Variants in SLC25A30 observed in about 807,000 individuals in gnomAD.
SLC25A30 encodes solute carrier family 25 member 30.
Under a neutral mutation model 42.7 loss-of-function variants are expected in SLC25A30, and 29 were observed. The observed-to-expected ratio is 0.68, with a 90% CI of 0.51 to 0.93. The LOEUF (loss-of-function observed/expected upper bound fraction) is 0.93, where lower values mean the gene tolerates loss of function less well. SLC25A30 is among the 40% of genes least tolerant of loss of function. The probability of loss-of-function intolerance (pLI) is 0.00; values close to 1 mark genes in which losing one functional copy is unlikely to be tolerated. For synonymous variants in SLC25A30, 124 were observed against 131.0 expected (o/e 0.95, Z 0.37); for missense variants, 300 against 359.7 (o/e 0.83, Z 1.34).
chr13:45,425,267 CGT>C, the SLC25A30 span, among the ~76,000 whole-genome samples: 8 of 95,496 alleles, frequency 8.4e-5, no homozygotes, highest in Non-Finnish European at 9.2e-5. Context: ...CGTATATATA[CGT>C]ATACATATAA....
chr13:45,400,013 A>ATT lies in SLC25A30; in HGVS notation c.615-937_615-936dup, dbSNP rs1209724669. Among the ~76,000 whole-genome samples, 84 of 37,246 alleles carry ATT rather than the reference A, an allele frequency of 2.3e-3. 3 individuals carry two copies. The highest frequency in any genetic ancestry group is 0.016 in the Admixed American group (55 of 3,362). 24.4% of individuals were successfully genotyped at this position (37,246 alleles called of 152,430 possible). A position where few individuals can be genotyped will look rare whatever the true frequency, so the allele number is the denominator to read the frequency against. On this transcript the variant is annotated intron_variant, in intron 7 of 9. Transcript: ENST00000519676. The stretch of plus-strand genomic sequence containing the variant: ...ATTGCCCACCAATGGATTATGTATG[A>ATT]TTATATATATATATATATATACACA...
the SLC25A30 span, among the ~76,000 whole-genome samples, chr13:45,424,779 T>A: frequency 1.9e-4 from 11 of 57,520 alleles, 1 homozygote; most frequent in East Asian, 1.1e-3. Context: ...TATATATATA[T>A]AAATATATAA....
chr13:45,428,517 CTTTTTTTTTT>C, the SLC25A30 span, among the ~76,000 whole-genome samples: 1 of 92,550 alleles, frequency 1.1e-5, no homozygotes, highest in African/African-American at 4.3e-5. Context: ...TTCTTTTTAA[CTTTTTTTTTT>C]TTTTTTTTTT....
At position 45,397,941 on chromosome 13, in the gene SLC25A30, G is replaced by A. The variant is rs1048625006; in HGVS notation, c.754-603C>T. ...ACGGTCTGTTGCTTCCGTGCCATGT[G>A]GGCTCCTGAACAGGTCACAAATAAA... On this transcript the variant is annotated intron_variant, in intron 8 of 9. Transcript: ENST00000519676. 3.0e-6 allele frequency: 3 copies of A among 985,400 alleles called. No individual in the cohort carries two copies. In the South Asian group the frequency reaches 1.4e-4, roughly 46 times the overall value. The allele number at this position is 985,400 out of a possible 1,614,324, so 61.0% of individuals were successfully genotyped here.
rs145462442 is a variant in SLC25A30, at chr13:45,414,635, T to TACACACACACACACAC, written c.-55-3171_-55-3156dup. ...TTTGTCTCAAACACACACACACACA[T>TACACACACACACACAC]ACACACACACACACACACACACACA... On this transcript the variant is annotated intron_variant, in intron 1 of 9. Transcript: ENST00000519676. Among the ~76,000 whole-genome samples the TACACACACACACACAC allele has an allele frequency of 8.4e-4, 118 of 140,004 alleles. 1 individual carries two copies. In the South Asian group the frequency reaches 9.4e-3, roughly 11 times the overall value. The allele number at this position is 140,004 out of a possible 152,430, so 91.8% of individuals were successfully genotyped here.
At position 45,393,605 on chromosome 13, in the gene SLC25A30, G is replaced by C; in HGVS notation, c.*2369C>G. The stretch of plus-strand genomic sequence containing the variant: ...CTAGAATTCCTTTTGGCATATTTAA[G>C]AAAACCCAAAGGTGGGGAGGTACTT... On this transcript the variant is annotated 3_prime_UTR_variant, in exon 10 of 10. Transcript: ENST00000519676. 2 of 985,324 alleles carry C rather than the reference G, an allele frequency of 2.0e-6. No individual in the cohort carries two copies. The highest frequency in any genetic ancestry group is 2.4e-6 in the Non-Finnish European group (2 of 829,898). 61.0% of individuals were successfully genotyped at this position (985,324 alleles called of 1,614,324 possible).
At position 45,394,101 on chromosome 13, in the gene SLC25A30, G is replaced by GA. The variant is rs1166495306; in HGVS notation, c.*1872dup. The GA allele has an allele frequency of 3.0e-6, 3 of 985,394 alleles. No individual in the cohort carries two copies. The South Asian group carries it at 1.4e-4, about 46-fold the overall frequency. 61.0% of individuals were successfully genotyped at this position (985,394 alleles called of 1,614,324 possible). On this transcript the variant is annotated 3_prime_UTR_variant, in exon 10 of 10. Coordinates refer to ENST00000519676, the MANE Select transcript of SLC25A30 (RefSeq NM_001010875.4). ...AATCAATGGAATGTTTTGGAAAGAAGAAAAAATCCTAAGGTGTAGTTTAGA... is the reference window on the plus strand; with the variant it reads ...AATCAATGGAATGTTTTGGAAAGAAGAAAAAAATCCTAAGGTGTAGTTTAGA...
chr13:45,417,832 G>A (rs140981934), intron 1 of SLC25A30, among the ~76,000 whole-genome samples: 79 of 152,360 alleles, frequency 5.2e-4, no homozygotes, highest in African/African-American at 1.7e-3. Flanking sequence ...CTCCCAGCCT[G>A]TGTGCCACGA....
chr13:45,424,640 A>AATAT, the SLC25A30 span, among the ~76,000 whole-genome samples: 4,017 of 35,628 alleles, frequency 0.11, 831 homozygotes, highest in Non-Finnish European at 0.13. Flanking sequence ...TATGTATATA[A>AATAT]ACATAAATAT....
chr13:45,395,489 A>G lies in SLC25A30; in HGVS notation c.*485T>C. 1 of 1,042,556 alleles carries G rather than the reference A, an allele frequency of 9.6e-7. No individual in the cohort carries two copies. The highest frequency in any genetic ancestry group is 1.2e-6 in the Non-Finnish European group (1 of 863,464). 64.6% of individuals were successfully genotyped at this position (1,042,556 alleles called of 1,614,324 possible). Reference sequence around the variant, plus strand: ...GTTTATACCTGGGGTTGAACAGTCCAGGTCTCCATACATGAAATTTCTTCA... The same window carrying G: ...GTTTATACCTGGGGTTGAACAGTCCGGGTCTCCATACATGAAATTTCTTCA... On this transcript the variant is annotated 3_prime_UTR_variant, in exon 10 of 10. Coordinates refer to ENST00000519676, the MANE Select transcript of SLC25A30 (RefSeq NM_001010875.4).
chr13:45,425,439 T>A, the SLC25A30 span, among the ~76,000 whole-genome samples: 1 of 110,666 alleles, frequency 9.0e-6, no homozygotes, highest in Non-Finnish European at 1.7e-5. Context: ...AATATATGTA[T>A]ATATAAATAT....
chr13:45,420,278 C>T (rs1380978546), upstream of SLC25A30: 1 of 152,198 alleles, frequency 6.6e-6, no homozygotes, highest in Non-Finnish European at 1.5e-5. Flanking sequence ...TAAACAATCT[C>T]TTTTCTGTGC....
chr13:45,396,296 G>A (rs1881312876), intron 9 of SLC25A30: 3 of 1,300,916 alleles, frequency 2.3e-6, no homozygotes, highest in Non-Finnish European at 2.0e-6. Flanking sequence ...TGCTGTGGTG[G>A]AAAAACTTTC....
At chr13:45,411,555 G>A (rs1216965132) in intron 1 of SLC25A30, 75 bp from the exon 2 acceptor site, 18 of 941,940 alleles carry the variant, frequency 1.9e-5, no homozygotes, top group Non-Finnish European at 2.6e-5. Flanking sequence ...TCTTCCCCTA[G>A]GTTTTATTTG....
upstream of SLC25A30, among the ~76,000 whole-genome samples, chr13:45,420,587 T>C (rs931941831): frequency 6.6e-6 from 1 of 152,220 alleles, no homozygotes; most frequent in Non-Finnish European, 1.5e-5. Context: ...ACCCAAACTC[T>C]ACCATTACCC....
chr13:45,422,358 C>A (rs1883909485), upstream of SLC25A30, among the ~76,000 whole-genome samples: 1 of 152,094 alleles, frequency 6.6e-6, no homozygotes, highest in South Asian at 2.1e-4. Flanking sequence ...TTGTATCTGA[C>A]TGAGACATCT....
rs530971303 is a variant in SLC25A30, at chr13:45,406,548, T to C, written c.213-571A>G. ...CAAGCCTACTTTCCTCCATCCGATA[T>C]GCCTGTCCTATTATCCTCTCCAAAC... is the stretch of plus-strand genomic sequence containing the variant. On this transcript the variant is annotated intron_variant, in intron 3 of 9. Transcript: ENST00000519676. 6.6e-5 allele frequency among the ~76,000 whole-genome samples: 10 copies of C among 152,292 alleles called. No homozygotes were observed. The South Asian group carries it at 1.5e-3, about 22-fold the overall frequency.
chr13:45,398,980 C>T lies in SLC25A30; in HGVS notation c.713G>A (p.Arg238Lys). ...MMNQRVLRDG[R>K]CSGYTGTLDC... The stretch of plus-strand genomic sequence containing the variant: ...CAGGGTTCCTGTGTAGCCAGAACAT[C>T]TGCCATCTCGAAGCACTCTCTGATT... The change falls in exon 8 of 10, where the codon AGA becomes AAA. Residue 238 changes from arginine (R) to lysine (K), a missense_variant. Transcript: ENST00000519676. 6.2e-7 allele frequency: 1 copy of T among 1,614,136 alleles called. No homozygotes were observed. Among genetic ancestry groups the T allele is most frequent in the Non-Finnish European group, 8.5e-7 (1 of 1,180,020 alleles).
intron 2 of SLC25A30, among the ~76,000 whole-genome samples, chr13:45,410,677 T>G (rs1882931649): frequency 6.6e-6 from 1 of 152,092 alleles, no homozygotes; most frequent in Admixed American, 6.6e-5. Context: ...CCGGGCATGG[T>G]GGTGCACATC....
Sources: gnomAD v4.1 joint callset for allele counts (sites outside exome capture counted in the v4.1 genomes callset) on GRCh38, gnomAD v4.1.1 for gene constraint, MANE v1.5 for transcripts, NCBI Gene and HGNC (gene_info 2026-07-23, HGNC 2026-07-21) for gene names.